NCBP3: variants seen among roughly 807,000 people sequenced by gnomAD.
The protein encoded by NCBP3 is nuclear cap-binding protein subunit 3.
Under a neutral mutation model 75.7 loss-of-function variants are expected in NCBP3, and 20 were observed. The observed-to-expected ratio is 0.26, with a 90% CI of 0.19 to 0.38. The LOEUF (loss-of-function observed/expected upper bound fraction) is 0.38, where lower values mean the gene tolerates loss of function less well. Ranked by LOEUF, NCBP3 falls within the 10% of genes least tolerant of loss-of-function variation. The pLI is 1.00. For missense variants in NCBP3, 678 were observed against 796.9 expected (o/e 0.85, Z 1.80); for synonymous variants, 293 against 290.5 (o/e 1.01, Z -0.09).
At chr17:3,825,895 A>T in intron 5 of NCBP3, 52 bp from the exon 6 acceptor site, 1 of 1,460,378 alleles carries the variant, frequency 6.8e-7, no homozygotes, top group Non-Finnish European at 9.4e-7. Context: ...ATTTCATATA[A>T]TGAGATACAA....
In NCBP3 at chr17:3,804,950, C is replaced by A. The variant is rs946213059; in HGVS notation, c.*8094G>T. On this transcript the variant is annotated 3_prime_UTR_variant, in exon 13 of 13. Coordinates refer to ENST00000389005, the MANE Select transcript of NCBP3 (RefSeq NM_001114118.3). ...ACCACAAACTCTCCTGCCTTCAGCT[C>A]TTTTGGTGTGTAGACTTTTTTTATT... The A allele has an allele frequency of 2.0e-5, 3 of 152,230 alleles. No individual in the cohort carries two copies. Among genetic ancestry groups the A allele is most frequent in the Admixed American group, 6.5e-5 (1 of 15,278 alleles). 9.4% of individuals were successfully genotyped at this position (152,230 alleles called of 1,614,324 possible). A position where few individuals can be genotyped will look rare whatever the true frequency, so the allele number is the denominator to read the frequency against.
rs939520623 is a variant in NCBP3, at chr17:3,808,668, G to A, written c.*4376C>T. ...GGGGAGATGGGGAGAACAGGCCAGG[G>A]ATACTGCCAGAGGATAGACCTTGGT... On this transcript the variant is annotated 3_prime_UTR_variant, in exon 13 of 13. Transcript: ENST00000389005. 1.3e-5 allele frequency: 2 copies of A among 152,350 alleles called. No homozygotes were observed. Among genetic ancestry groups the A allele is most frequent in the African/African-American group, 2.4e-5 (1 of 41,416 alleles). 9.4% of individuals were successfully genotyped at this position (152,350 alleles called of 1,614,324 possible). A position where few individuals can be genotyped will look rare whatever the true frequency, so the allele number is the denominator to read the frequency against.
chr17:3,829,558 G>A (rs1045031550), intron 3 of NCBP3, among the ~76,000 whole-genome samples, 190 bp from the exon 4 acceptor site: 1 of 152,092 alleles, frequency 6.6e-6, no homozygotes, highest in Non-Finnish European at 1.5e-5. Flanking sequence ...ATCACTCAAC[G>A]ACAGCATTAA....
Position 3,813,043 on chromosome 17 carries a change from A to T in NCBP3, c.*1T>A, listed in dbSNP as rs1203256086. On this transcript the variant is annotated 3_prime_UTR_variant, in exon 13 of 13. Coordinates refer to ENST00000389005, the MANE Select transcript of NCBP3 (RefSeq NM_001114118.3). ...GGCAGCTGCCATAGGCCCCAGGGGC[A>T]TCAGGACTCTGCCTCTGAACCAGAG... is the stretch of plus-strand genomic sequence containing the variant. 4.3e-6 allele frequency: 7 copies of T among 1,614,054 alleles called. No homozygotes were observed. The African/African-American group carries it at 9.3e-5, about 22-fold the overall frequency.
intron 3 of NCBP3, among the ~76,000 whole-genome samples, chr17:3,838,747 G>A (rs1312421326): frequency 1.3e-5 from 2 of 152,190 alleles, no homozygotes; most frequent in Non-Finnish European, 2.9e-5. Context: ...ACTTCTTTGA[G>A]CCTGCTTCCT....
rs2054038851 is a variant in NCBP3, at chr17:3,840,137, T to C, written c.318A>G (p.Gln106=). ...FHFRSEVNLA[Q]RNVALDRDMM... is the part of the protein sequence containing the mutation. ...TGTCTCGGTCCAAGGCTACATTTCTTTGGGCAAGATTTACTTCCGATCGAA... is the reference window on the plus strand; with the variant it reads ...TGTCTCGGTCCAAGGCTACATTTCTCTGGGCAAGATTTACTTCCGATCGAA... Residue 106 remains glutamine, a synonymous_variant, in exon 3 of 13, where the codon CAA becomes CAG. Transcript: ENST00000389005. 1 of 1,551,594 alleles carries C rather than the reference T, an allele frequency of 6.4e-7. No individual in the cohort carries two copies. Among genetic ancestry groups the C allele is most frequent in the South Asian group, 1.2e-5 (1 of 84,068 alleles).
At chr17:3,841,934 T>G (rs2054071951) in intron 2 of NCBP3, among the ~76,000 whole-genome samples, 1 of 152,138 alleles carries the variant, frequency 6.6e-6, no homozygotes, top group Non-Finnish European at 1.5e-5. Context: ...TTCAGAAATG[T>G]AATACAAAAT....
At chr17:3,823,863 T>C (rs1262944980) in intron 7 of NCBP3, 13 of 152,224 alleles carry the variant, frequency 8.5e-5, no homozygotes, top group Non-Finnish European at 1.6e-4. Context: ...CCTGACATGA[T>C]GCTCTGGAAA....
rs557043943 is a variant in NCBP3, at chr17:3,818,769, C to T, written c.1001-197G>A. ...GATGGCTAGGTAAAGTATGATGCAG[C>T]AGCCTAACCAAATACCATAAAGTCA... is the stretch of plus-strand genomic sequence containing the variant. On this transcript the variant is annotated intron_variant, in intron 9 of 12. Transcript: ENST00000389005. This position sits in a 1 kb window ranked among gnomAD's most constrained non-coding sequence, Gnocchi z 4.7. Among the ~76,000 whole-genome samples, 3 of 152,344 alleles carry T rather than the reference C, an allele frequency of 2.0e-5. No individual in the cohort carries two copies. Among genetic ancestry groups the T allele is most frequent in the South Asian group, 4.1e-4 (2 of 4,826 alleles).
In NCBP3 at chr17:3,813,181, C is replaced by A; in HGVS notation, c.1726G>T (p.Glu576Ter). The A allele has an allele frequency of 6.2e-7, 1 of 1,614,274 alleles. No homozygotes were observed. The highest frequency in any genetic ancestry group is 8.5e-7 in the Non-Finnish European group (1 of 1,180,056). ...AGAGCCCCCCATGCCCTTTGCAGCT[C>A]AGAGTCGTCTTCCTCAGCGCCAGGC... ...RAPGAEEDDS[E>*]LQRAWGALIK... The change falls in exon 13 of 13, where the codon GAG (glutamate) becomes TAG (stop). Residue 576 changes from glutamate (E) to a stop codon, truncating the protein, a stop_gained. Transcript: ENST00000389005. LOFTEE classifies it high-confidence loss of function.
In NCBP3 at chr17:3,808,847, A is replaced by C. The variant is rs1461479960; in HGVS notation, c.*4197T>G. ...TGGGCTCATGCGATCAGGAGTGTGG[A>C]ATTTATTCTCGGGGCAATAGTGAAG... On this transcript the variant is annotated 3_prime_UTR_variant, in exon 13 of 13. Transcript: ENST00000389005. 6.6e-6 allele frequency: 1 copy of C among 152,158 alleles called. No individual in the cohort carries two copies. Among genetic ancestry groups the C allele is most frequent in the East Asian group, 1.9e-4 (1 of 5,192 alleles). The allele number at this position is 152,158 out of a possible 1,614,324, so 9.4% of individuals were successfully genotyped here. A position where few individuals can be genotyped will look rare whatever the true frequency, so the allele number is the denominator to read the frequency against.
intron 7 of NCBP3, chr17:3,824,068 T>C (rs990354840): frequency 3.3e-5 from 5 of 152,218 alleles, no homozygotes; most frequent in African/African-American, 1.2e-4. Flanking sequence ...ACACACTCAG[T>C]CCTGGATGGA....
At chr17:3,821,120 T>C (rs1000996356) in intron 9 of NCBP3, 129 bp downstream of exon 9, 6 of 573,506 alleles carry the variant, frequency 1.0e-5, no homozygotes, top group African/African-American at 1.9e-5. Flanking sequence ...CTTTCCTATA[T>C]GTTGGCAGAG....
intron 9 of NCBP3, among the ~76,000 whole-genome samples, chr17:3,819,150 G>T (rs1047681658): frequency 2.6e-5 from 4 of 152,194 alleles, no homozygotes; most frequent in African/African-American, 7.2e-5. Flanking sequence ...GCTGTGATGT[G>T]CCTTGTGGAA....
intron 6 of NCBP3, 68 bp from the exon 7 acceptor site, chr17:3,825,118 T>A: frequency 1.2e-6 from 1 of 832,000 alleles, no homozygotes; most frequent in Non-Finnish European, 1.8e-6. Flanking sequence ...GTAGTAAAGC[T>A]ACCATTAAGA....
At chr17:3,819,497 T>G (rs1597396730) in intron 9 of NCBP3, among the ~76,000 whole-genome samples, 1 of 151,098 alleles carries the variant, frequency 6.6e-6, no homozygotes, top group African/African-American at 2.4e-5. Flanking sequence ...GAGGCGGAGG[T>G]TGCAGTGAGC....
intron 4 of NCBP3, 96 bp downstream of exon 4, chr17:3,829,146 AG>A (rs777829616): frequency 2.1e-5 from 28 of 1,341,222 alleles, no homozygotes; most frequent in Non-Finnish European, 2.8e-5. Flanking sequence ...GGCATAAACA[AG>A]TAGTATGGGC....
At chr17:3,841,961 C>T (rs902888301) in intron 2 of NCBP3, among the ~76,000 whole-genome samples, 6 of 151,958 alleles carry the variant, frequency 3.9e-5, no homozygotes, top group African/African-American at 1.5e-4. Flanking sequence ...CCAAACTTAA[C>T]TGTAAACATT....
At chr17:3,823,526 T>C (rs976389236) in intron 7 of NCBP3, among the ~76,000 whole-genome samples, 2 of 152,192 alleles carry the variant, frequency 1.3e-5, no homozygotes, top group Non-Finnish European at 2.9e-5. Flanking sequence ...GAAGCTCTGA[T>C]GAGCAAGAGG....
Sources: gnomAD v4.1 joint callset for allele counts (sites outside exome capture counted in the v4.1 genomes callset) on GRCh38, gnomAD v4.1.1 for gene constraint, Gnocchi (gnomAD v3.1) non-coding constraint, MANE v1.5 for transcripts, NCBI Gene and HGNC (gene_info 2026-07-23, HGNC 2026-07-21) for gene names.